MAPK10: variants seen among roughly 807,000 people sequenced by gnomAD.
MAPK10 encodes JNK3 alpha protein kinase.
A neutral mutation model predicts 59.3 loss-of-function variants in MAPK10; 25 were observed. The observed-to-expected ratio is 0.42, with a 90% CI of 0.31 to 0.59. MAPK10 has a LOEUF of 0.59. MAPK10 is among the 20% of genes least tolerant of loss of function. The probability of loss-of-function intolerance (pLI) is 0.15; values close to 1 mark genes in which losing one functional copy is unlikely to be tolerated. For missense variants in MAPK10, 351 were observed against 568.9 expected, an observed-to-expected ratio of 0.62 and a Z score of 3.90; for synonymous variants, 190 against 200.5, an observed-to-expected ratio of 0.95 and a Z score of 0.44.
chr4:86,342,966 CA>C (rs1478989996), intron 2 of MAPK10, among the ~76,000 whole-genome samples: 1 of 152,148 alleles, frequency 6.6e-6, no homozygotes, highest in African/African-American at 2.4e-5. Context: ...AAACAGACCC[CA>C]AATTCCTTCA....
intron 1 of MAPK10, among the ~76,000 whole-genome samples, chr4:86,440,431 T>G (rs2149047203): frequency 6.6e-6 from 1 of 152,026 alleles, no homozygotes; most frequent in East Asian, 1.9e-4. Flanking sequence ...ACCTAGGAGT[T>G]CAAGATCAGC....
chr4:86,093,142 A>G (rs976459253), intron 9 of MAPK10, among the ~76,000 whole-genome samples: 5 of 152,024 alleles, frequency 3.3e-5, no homozygotes, highest in Non-Finnish European at 7.4e-5. Context: ...TAAATAAAGA[A>G]CTATATTGCT....
chr4:86,322,022 A>AT lies in MAPK10; in HGVS notation c.-7+32507dup, dbSNP rs1361774815. 1.1e-4 allele frequency: 17 copies of AT among 152,218 alleles called. No homozygotes were observed. The East Asian group carries it at 3.3e-3, about 29-fold the overall frequency. The allele number at this position is 152,218 out of a possible 1,614,324, so 9.4% of individuals were successfully genotyped here. A position where few individuals can be genotyped will look rare whatever the true frequency, so the allele number is the denominator to read the frequency against. Reference sequence around the variant, plus strand: ...TAGATCTCCTTTTTTAAATAGAAAAATTGAGTTCTGTAAAATATAATCAGA... The same window carrying AT: ...TAGATCTCCTTTTTTAAATAGAAAAATTTGAGTTCTGTAAAATATAATCAGA... On this transcript the variant is annotated intron_variant, in intron 2 of 13. Transcript: ENST00000641462.
intron 1 of MAPK10, among the ~76,000 whole-genome samples, chr4:86,423,306 A>G (rs1746776894): frequency 6.6e-6 from 1 of 152,206 alleles, no homozygotes; most frequent in Admixed American, 6.5e-5. Flanking sequence ...TGGCCTTCCC[A>G]TTCTTAAAAT....
intron 4 of MAPK10, among the ~76,000 whole-genome samples, chr4:86,113,423 C>G (rs2057829611): frequency 6.6e-6 from 1 of 152,162 alleles, no homozygotes; most frequent in Admixed American, 6.5e-5. Flanking sequence ...GTGACAAATT[C>G]CCTCAGCATT....
At chr4:86,444,494 A>G (rs1749778254) in intron 1 of MAPK10, among the ~76,000 whole-genome samples, 1 of 152,208 alleles carries the variant, frequency 6.6e-6, no homozygotes, top group African/African-American at 2.4e-5. Flanking sequence ...AATGTCATTC[A>G]GGACATAAGC....
At chr4:86,250,406 C>G (rs1314426003) in intron 2 of MAPK10, among the ~76,000 whole-genome samples, 2 of 152,156 alleles carry the variant, frequency 1.3e-5, no homozygotes, top group African/African-American at 4.8e-5. Flanking sequence ...ACAACATTAA[C>G]AGAAGGCAAT....
At position 86,523,243 on chromosome 4, in the gene MAPK10, C is replaced by A. The variant is rs191389955; in HGVS notation, c.-263+70667G>T. 2.0e-4 allele frequency among the ~76,000 whole-genome samples: 31 copies of A among 152,160 alleles called. No homozygotes were observed. The East Asian group carries it at 5.8e-3, about 28-fold the overall frequency. On this transcript the variant is annotated intron_variant, in intron 1 of 4. Transcript: ENST00000502302. ...AAATATTTATTGAGCAGCACAGCAG[C>A]ATTACAGGAGGGTTATGGATTTGTG...
intron 2 of MAPK10, among the ~76,000 whole-genome samples, chr4:86,306,968 A>G (rs1406681892): frequency 6.6e-6 from 1 of 152,202 alleles, no homozygotes; most frequent in Non-Finnish European, 1.5e-5. Flanking sequence ...CTATAATTCA[A>G]GCACGGGTCT....
chr4:86,572,602 A>T (rs538958108), intron 1 of MAPK10, among the ~76,000 whole-genome samples: 3 of 152,300 alleles, frequency 2.0e-5, no homozygotes, highest in East Asian at 3.9e-4. Context: ...AGGTTTCGAG[A>T]CAAAATTATT....
intron 4 of MAPK10, among the ~76,000 whole-genome samples, chr4:86,130,590 C>T (rs1263347445): frequency 2.6e-5 from 4 of 152,032 alleles, no homozygotes; most frequent in South Asian, 2.1e-4. Context: ...GGCTTACATA[C>T]GATAAAATAC....
At chr4:86,044,670 A>C in intron 11 of MAPK10, 1 of 397,228 alleles carries the variant, frequency 2.5e-6, no homozygotes. Flanking sequence ...AAGTGGACAC[A>C]AGATTTGTGT....
intron 1 of MAPK10, among the ~76,000 whole-genome samples, chr4:86,585,314 T>C (rs1310082308): frequency 6.6e-6 from 1 of 152,166 alleles, no homozygotes; most frequent in Non-Finnish European, 1.5e-5. Flanking sequence ...CAAATTACTA[T>C]GGGCAAGAAA....
chr4:86,221,604 A>G (rs934442414), intron 2 of MAPK10, among the ~76,000 whole-genome samples: 4 of 151,818 alleles, frequency 2.6e-5, no homozygotes. Context: ...CTCCCACCTC[A>G]GCCTCCTTAG....
chr4:86,403,510 G>C (rs189906178), intron 1 of MAPK10, among the ~76,000 whole-genome samples: 55 of 152,136 alleles, frequency 3.6e-4, no homozygotes, highest in African/African-American at 1.3e-3. Flanking sequence ...GCAACAGAGA[G>C]AGAGTCTGTC....
chr4:86,433,658 C>A (rs1455618932), intron 1 of MAPK10, among the ~76,000 whole-genome samples: 1 of 150,924 alleles, frequency 6.6e-6, no homozygotes, highest in East Asian at 2.0e-4. Context: ...CCCACCTCAG[C>A]CTCCCAAGCT....
chr4:86,246,783 G>C (rs141251721), intron 2 of MAPK10, among the ~76,000 whole-genome samples: 2 of 152,294 alleles, frequency 1.3e-5, no homozygotes, highest in African/African-American at 2.4e-5. Flanking sequence ...TGGGACACTA[G>C]AGTCTGCTGG....
chr4:86,588,245 A>G (rs1219054872), intron 1 of MAPK10, among the ~76,000 whole-genome samples: 1 of 152,212 alleles, frequency 6.6e-6, no homozygotes, highest in Non-Finnish European at 1.5e-5. Context: ...AGTGATGAAC[A>G]ACCCATATGC....
At chr4:86,574,149 T>C (rs1200675316) in intron 1 of MAPK10, among the ~76,000 whole-genome samples, 1 of 151,832 alleles carries the variant, frequency 6.6e-6, no homozygotes, top group Non-Finnish European at 1.5e-5. Flanking sequence ...AGTGAGAACA[T>C]GCGGTGTTTG....
Sources: gnomAD v4.1 joint callset for allele counts (sites outside exome capture counted in the v4.1 genomes callset) on GRCh38, gnomAD v4.1.1 for gene constraint, MANE v1.5 for transcripts, NCBI Gene and HGNC (gene_info 2026-07-23, HGNC 2026-07-21) for gene names.